Variants in BCAS1 observed in about 807,000 individuals in gnomAD.
BCAS1 encodes brain enriched myelin associated protein 1.
In BCAS1, 46 loss-of-function variants were observed where a neutral mutation model predicts 65.4. The observed-to-expected ratio is 0.70, with a 90% confidence interval of 0.55 to 0.90. BCAS1 has a LOEUF of 0.90. Among genes scored for constraint, BCAS1 ranks in the 40% least tolerant of loss-of-function variants. The probability of loss-of-function intolerance (pLI) is 0.00; values close to 1 mark genes in which losing one functional copy is unlikely to be tolerated. For synonymous variants in BCAS1, 298 were observed against 293.5 expected (o/e 1.02, Z -0.16); for missense variants, 793 against 771.2 (o/e 1.03, Z -0.33).
rs79690821 is a variant in BCAS1 at position 54,039,452 on chromosome 20, C to T, written c.143-10480G>A. On this transcript the variant is annotated intron_variant, in intron 3 of 12. Transcript: ENST00000688948. ...CAAAGGAATGTAGGCAAAGGTACTA[C>T]TACCCCCATGCTCTTCAGAAAACAT... 3.0e-3 allele frequency among the ~76,000 whole-genome samples: 454 copies of T among 151,510 alleles called. 9 individuals are homozygous for T. The highest frequency in any genetic ancestry group is 0.011 in the African/African-American group (436 of 41,470).
At chr20:54,002,810 A>T (rs1165573223) in intron 4 of BCAS1, among the ~76,000 whole-genome samples, 1 of 152,134 alleles carries the variant, frequency 6.6e-6, no homozygotes, top group Non-Finnish European at 1.5e-5. Flanking sequence ...CAATTGAGTA[A>T]TTTTGCAAAC....
At chr20:53,993,114 T>C (rs922872155) in intron 6 of BCAS1, among the ~76,000 whole-genome samples, 1 of 152,224 alleles carries the variant, frequency 6.6e-6, no homozygotes, top group Non-Finnish European at 1.5e-5. Context: ...TGATTCACTA[T>C]TAGAAACTTT....
intron 8 of BCAS1, among the ~76,000 whole-genome samples, chr20:53,977,061 G>T (rs541636067): frequency 7.9e-5 from 12 of 152,262 alleles, no homozygotes; most frequent in African/African-American, 2.6e-4. Context: ...ATGGTGGAAG[G>T]GGAAACAGGC....
intron 4 of BCAS1, among the ~76,000 whole-genome samples, chr20:54,011,634 G>C (rs962970495): frequency 6.6e-6 from 1 of 152,224 alleles, no homozygotes; most frequent in Non-Finnish European, 1.5e-5. Context: ...ACTTTACAAT[G>C]TAATCACTTT....
chr20:54,009,931 G>A (rs866684371), intron 4 of BCAS1, among the ~76,000 whole-genome samples: 5 of 152,134 alleles, frequency 3.3e-5, no homozygotes, highest in South Asian at 2.1e-4. Flanking sequence ...ATATTTGAAA[G>A]TCAATTGATG....
chr20:54,004,322 A>C (rs965090643), intron 4 of BCAS1, among the ~76,000 whole-genome samples: 6 of 152,312 alleles, frequency 3.9e-5, no homozygotes, highest in African/African-American at 1.4e-4. Flanking sequence ...TTTCAGACTT[A>C]TAGCCTCCAA....
chr20:53,994,994 A>G lies in BCAS1; in HGVS notation c.927+18T>C. 6.2e-6 allele frequency: 10 copies of G among 1,610,594 alleles called. No individual in the cohort carries two copies. Among genetic ancestry groups the G allele is most frequent in the Non-Finnish European group, 8.5e-6 (10 of 1,177,662 alleles). ...TGCGCAAACCCAAATATATACATAC[A>G]CACTTCCAACTACCTACCGTGTCTT... On this transcript the variant is annotated intron_variant, in intron 6 of 12. Transcript: ENST00000688948.
chr20:54,043,248 G>A (rs1250380228), intron 3 of BCAS1, among the ~76,000 whole-genome samples: 2 of 152,200 alleles, frequency 1.3e-5, no homozygotes, highest in African/African-American at 4.8e-5. Context: ...AAGCACAGCT[G>A]AAATTGGTTA....
At chr20:54,043,443 C>G (rs1445702885) in intron 3 of BCAS1, among the ~76,000 whole-genome samples, 2 of 152,072 alleles carry the variant, frequency 1.3e-5, no homozygotes, top group East Asian at 3.8e-4. Context: ...TTGGCCAACA[C>G]AGTGTTTATA....
chr20:53,969,847 C>T (rs953248620), intron 9 of BCAS1, among the ~76,000 whole-genome samples: 1 of 152,136 alleles, frequency 6.6e-6, no homozygotes, highest in Non-Finnish European at 1.5e-5. Context: ...ATTTTGATCC[C>T]CTACCTCAGG....
At chr20:54,037,909 T>G (rs1174442623) in intron 3 of BCAS1, among the ~76,000 whole-genome samples, 1 of 151,278 alleles carries the variant, frequency 6.6e-6, no homozygotes, top group Non-Finnish European at 1.5e-5. Flanking sequence ...GAAAAAACTA[T>G]GTACAAGAGG....
At chr20:54,037,336 T>C (rs1015927980) in intron 3 of BCAS1, among the ~76,000 whole-genome samples, 1 of 151,386 alleles carries the variant, frequency 6.6e-6, no homozygotes, top group Non-Finnish European at 1.5e-5. Flanking sequence ...AGAACTCACT[T>C]ACTTTTATGA....
intron 4 of BCAS1, among the ~76,000 whole-genome samples, chr20:54,006,366 T>C (rs1213881462): frequency 6.6e-6 from 1 of 152,176 alleles, no homozygotes; most frequent in Non-Finnish European, 1.5e-5. Flanking sequence ...AGAGCTTGGT[T>C]CTAGCAGGAA....
intron 2 of BCAS1, 136 bp from the exon 3 acceptor site, chr20:54,058,290 C>T: frequency 2.4e-6 from 2 of 820,474 alleles, no homozygotes; most frequent in Middle Eastern, 2.3e-4. Context: ...TAGAAACTCC[C>T]CAGTTTTCTA....
intron 3 of BCAS1, 128 bp downstream of exon 3, chr20:54,057,957 C>T (rs1226162896): frequency 9.6e-6 from 7 of 727,298 alleles, no homozygotes; most frequent in Admixed American, 2.5e-5. Flanking sequence ...AAGGAACAAA[C>T]GCAAGTATTT....
chr20:53,979,526 C>T (rs2090424018), intron 8 of BCAS1, among the ~76,000 whole-genome samples: 1 of 152,178 alleles, frequency 6.6e-6, no homozygotes, highest in Non-Finnish European at 1.5e-5. Flanking sequence ...GGTTTTCTGC[C>T]TGCTGCCTTG....
At chr20:53,965,616 A>T (rs958166073) in intron 10 of BCAS1, among the ~76,000 whole-genome samples, 1 of 152,210 alleles carries the variant, frequency 6.6e-6, no homozygotes, top group Non-Finnish European at 1.5e-5. Flanking sequence ...TAATTCATCA[A>T]CTAAGTTATA....
At chr20:54,066,638 C>T (rs1466035300) in intron 1 of BCAS1, among the ~76,000 whole-genome samples, 1 of 152,212 alleles carries the variant, frequency 6.6e-6, no homozygotes, top group Non-Finnish European at 1.5e-5. Context: ...CTCTCTCTGT[C>T]TCTCTCTCAA....
intron 12 of BCAS1, among the ~76,000 whole-genome samples, chr20:53,946,300 C>G (rs1161418705): frequency 1.3e-5 from 2 of 152,048 alleles, no homozygotes; most frequent in South Asian, 2.1e-4. Flanking sequence ...AAGCACCGAT[C>G]TGTTTTCATC....
Sources: gnomAD v4.1 joint callset for allele counts (sites outside exome capture counted in the v4.1 genomes callset) on GRCh38, gnomAD v4.1.1 for gene constraint, MANE v1.5 for transcripts, NCBI Gene and HGNC (gene_info 2026-07-23, HGNC 2026-07-21) for gene names.